The following MMRN1 variants were observed in gnomAD, a reference collection of about 807,000 sequenced individuals.
MMRN1 encodes the protein multimerin-1.
Under a neutral mutation model 100.7 loss-of-function variants are expected in MMRN1, and 94 were observed. The observed-to-expected ratio is 0.93, with a 90% CI of 0.79 to 1.11. The LOEUF (loss-of-function observed/expected upper bound fraction) is 1.11, where lower values mean the gene tolerates loss of function less well. MMRN1 is among the 50% of genes least tolerant of loss of function. The pLI is 0.00. For missense variants in MMRN1, 1,606 were observed against 1,439.1 expected (o/e 1.12, Z -1.88); for synonymous variants, 575 against 505.0 (o/e 1.14, Z -1.86).
intron 1 of MMRN1, among the ~76,000 whole-genome samples, chr4:89,882,525 ATTT>A (rs891950643): frequency 6.6e-6 from 1 of 151,668 alleles, no homozygotes; most frequent in African/African-American, 2.4e-5. Context: ...GCTCTTTTGC[ATTT>A]TTTTCCTCCA....
At chr4:89,889,615 C>A (rs929090614) in intron 1 of MMRN1, among the ~76,000 whole-genome samples, 1 of 152,060 alleles carries the variant, frequency 6.6e-6, no homozygotes, top group African/African-American at 2.4e-5. Context: ...TCACTGTATT[C>A]CCGAGTGCAG....
At position 89,909,257 on chromosome 4, in the gene MMRN1, C is replaced by G. The variant is rs1455367097; in HGVS notation, c.624-19C>G. ...TTTTTGACAACAGTTTTTTCCCTAA[C>G]AATTATGATCTTCTTTAGGAATTGG... On this transcript the variant is annotated intron_variant, in intron 1 of 7. Coordinates refer to ENST00000264790, the MANE Select transcript of MMRN1 (RefSeq NM_007351.3). 1 of 1,561,422 alleles carries G rather than the reference C, an allele frequency of 6.4e-7. No homozygotes were observed. Among genetic ancestry groups the G allele is most frequent in the Non-Finnish European group, 8.7e-7 (1 of 1,155,268 alleles).
intron 1 of MMRN1, among the ~76,000 whole-genome samples, chr4:89,902,987 CAA>C (rs1315276061): frequency 6.6e-6 from 1 of 151,754 alleles, no homozygotes; most frequent in African/African-American, 2.4e-5. Context: ...GGAAATAAAA[CAA>C]TGATTTTCTT....
chr4:89,903,518 T>C (rs1721456368), intron 1 of MMRN1, among the ~76,000 whole-genome samples: 2 of 151,878 alleles, frequency 1.3e-5, no homozygotes, highest in Non-Finnish European at 1.5e-5. Context: ...GAGCTGTGTT[T>C]CTTTGTATCT....
At chr4:89,934,409 G>C (rs1722536247) in intron 5 of MMRN1, among the ~76,000 whole-genome samples, 1 of 152,092 alleles carries the variant, frequency 6.6e-6, no homozygotes, top group Non-Finnish European at 1.5e-5. Context: ...TAACAACACA[G>C]TCATGAGCTA....
Position 89,882,296 on chromosome 4 carries a change from A to G in MMRN1, c.-249+2694A>G, listed in dbSNP as rs956799478. ...TTCTATCAATATTATTTTGTATAAC[A>G]GTATATATATAAATATATATAATCT... On this transcript the variant is annotated intron_variant, in intron 1 of 8. Coordinates refer to the MMRN1 transcript ENST00000394980. 2.7e-5 allele frequency among the ~76,000 whole-genome samples: 4 copies of G among 150,826 alleles called. No homozygotes were observed. The South Asian group carries it at 6.2e-4, about 23-fold the overall frequency.
chr4:89,935,922 C>A lies in MMRN1; in HGVS notation c.2242C>A (p.Leu748Ile). Residue 748 changes from leucine (L) to isoleucine (I), a missense_variant, in exon 6 of 8, where the codon CTA (leucine) becomes ATA (isoleucine). Physicochemically the swap from Leu to Ile is conservative, Grantham distance 5. Coordinates refer to ENST00000264790, the MANE Select transcript of MMRN1 (RefSeq NM_007351.3). Reference sequence around the variant, plus strand: ...TGATTTCATTCAAGATAACTATGCCCTAAAAGAGACTTTAAGTACTATTAA... The same window carrying A: ...TGATTTCATTCAAGATAACTATGCCATAAAAGAGACTTTAAGTACTATTAA... ...AIDFIQDNYALKETLSTIKDN... is the reference protein window; with the variant it reads ...AIDFIQDNYAIKETLSTIKDN... 6.2e-7 allele frequency: 1 copy of A among 1,609,572 alleles called. No individual in the cohort carries two copies. Among genetic ancestry groups the A allele is most frequent in the Admixed American group, 1.7e-5 (1 of 59,530 alleles).
intron 1 of MMRN1, among the ~76,000 whole-genome samples, chr4:89,885,328 T>C (rs1044711607): frequency 1.3e-5 from 2 of 152,134 alleles, no homozygotes; most frequent in African/African-American, 4.8e-5. Context: ...AATGCTATCA[T>C]TTTGTTTAAT....
intron 6 of MMRN1, among the ~76,000 whole-genome samples, chr4:89,949,182 A>G (rs1456300655): frequency 6.6e-6 from 1 of 152,178 alleles, no homozygotes; most frequent in Non-Finnish European, 1.5e-5. Context: ...ATGCAGATAA[A>G]TCTAATTTTT....
chr4:89,897,534 T>C (rs539835242), intron 1 of MMRN1, among the ~76,000 whole-genome samples: 42 of 152,222 alleles, frequency 2.8e-4, no homozygotes, highest in African/African-American at 9.4e-4. Context: ...AAGGGAAATA[T>C]AATAAACAGA....
rs190622896 is a variant in MMRN1, at chr4:89,938,950, T to A, written c.3118+2152T>A. Among the ~76,000 whole-genome samples the A allele has an allele frequency of 2.0e-3, 304 of 152,102 alleles. 1 individual carries two copies. Among genetic ancestry groups the A allele is most frequent in the African/African-American group, 6.9e-3 (285 of 41,460 alleles). ...ATGCCAGGCCGGGCCAGCAACATAA[T>A]GTATGGGACCCTTTTAAGTGGTTGC... On this transcript the variant is annotated intron_variant, in intron 6 of 7. Transcript: ENST00000264790.
chr4:89,944,212 T>C (rs932085690), intron 6 of MMRN1, among the ~76,000 whole-genome samples: 2 of 152,202 alleles, frequency 1.3e-5, no homozygotes, highest in African/African-American at 4.8e-5. Flanking sequence ...CTATTTTAAA[T>C]AGTGCCACAC....
Position 89,951,612 on chromosome 4 carries a change from T to G in MMRN1, c.3126T>G (p.Tyr1042Ter), listed in dbSNP as rs1309126410. 84 of 1,509,928 alleles carry G rather than the reference T, an allele frequency of 5.6e-5. No homozygotes were observed. Among genetic ancestry groups the G allele is most frequent in the Non-Finnish European group, 7.1e-5 (80 of 1,133,096 alleles). The allele number at this position is 1,509,928 out of a possible 1,614,324, so 93.5% of individuals were successfully genotyped here. The stretch of plus-strand genomic sequence containing the variant: ...ATTCTTTTTCCGTAACAGAGGAGTA[T>G]TCAAGCTGTAGTCGGCATCCGTGCC... The part of the protein sequence containing the change: ...NTDNIIYPEE[Y>*]SSCSRHPCQN... Residue 1042 changes from tyrosine (Y) to a stop codon, truncating the protein, a stop_gained, in exon 7 of 8, where the codon TAT becomes TAG. Coordinates refer to ENST00000264790, the MANE Select transcript of MMRN1 (RefSeq NM_007351.3). LOFTEE classifies it high-confidence loss of function.
At chr4:89,916,361 T>C (rs1042459401) in intron 3 of MMRN1, among the ~76,000 whole-genome samples, 9 of 22,742 alleles carry the variant, frequency 4.0e-4, no homozygotes, top group Admixed American at 2.5e-3. Flanking sequence ...TCACTTAGAT[T>C]CTGAAAAAAA....
chr4:89,929,944 G>T (rs1722385016), intron 5 of MMRN1, among the ~76,000 whole-genome samples: 1 of 152,072 alleles, frequency 6.6e-6, no homozygotes, highest in Admixed American at 6.6e-5. Flanking sequence ...CGTAAGAGGA[G>T]GTGGATACCT....
intron 6 of MMRN1, among the ~76,000 whole-genome samples, chr4:89,937,901 C>A (rs538227124): frequency 6.6e-6 from 1 of 152,050 alleles, no homozygotes; most frequent in African/African-American, 2.4e-5. Flanking sequence ...CATAATAGTA[C>A]CTCTGTATGA....
chr4:89,913,939 T>G (rs1414159610), intron 3 of MMRN1, among the ~76,000 whole-genome samples: 2 of 151,420 alleles, frequency 1.3e-5, no homozygotes, highest in South Asian at 2.1e-4. Flanking sequence ...AATATAGCTT[T>G]GATTCCAAAA....
upstream of MMRN1, among the ~76,000 whole-genome samples, chr4:89,892,720 C>G (rs1721082257): frequency 6.6e-6 from 1 of 151,820 alleles, no homozygotes; most frequent in Non-Finnish European, 1.5e-5. Context: ...TTGGTCAATA[C>G]CTTATAAGTG....
chr4:89,924,162 C>T (rs1426576613), intron 4 of MMRN1, among the ~76,000 whole-genome samples: 6 of 152,170 alleles, frequency 3.9e-5, no homozygotes, highest in Non-Finnish European at 1.5e-5. Context: ...CAACTACATA[C>T]ATATATCTAG....
Sources: gnomAD v4.1 joint callset for allele counts (sites outside exome capture counted in the v4.1 genomes callset) on GRCh38, gnomAD v4.1.1 for gene constraint, MANE v1.5 for transcripts, NCBI Gene and HGNC (gene_info 2026-07-23, HGNC 2026-07-21) for gene names.